SPATA6L: variants seen among roughly 807,000 people sequenced by gnomAD.
SPATA6L encodes spermatogenesis associated 6 like.
Under a neutral mutation model 49.2 loss-of-function variants are expected in SPATA6L, and 68 were observed. The observed-to-expected ratio is 1.38, with a 90% CI of 1.14 to 1.69. The LOEUF (loss-of-function observed/expected upper bound fraction) is 1.69, where lower values mean the gene tolerates loss of function less well. SPATA6L is among the 40% of genes most tolerant of loss of function. The pLI, the probability that SPATA6L is intolerant of heterozygous loss-of-function variation, is 0.00. For missense variants in SPATA6L, 668 were observed against 464.3 expected, an observed-to-expected ratio of 1.44 and a Z score of -4.03; for synonymous variants, 198 against 165.7, an observed-to-expected ratio of 1.19 and a Z score of -1.50.
Position 4,599,619 on chromosome 9 carries a change from G to A in SPATA6L, c.*1192C>T, listed in dbSNP as rs1360270464. On this transcript the variant is annotated 3_prime_UTR_variant, in exon 12 of 12. Coordinates refer to ENST00000682582, the MANE Select transcript of SPATA6L (RefSeq NM_001353486.2). ...GTCCAAGATCAGAATGTTGGCAGAT[G>A]CAGAATCTGGTGAGGGCCCTCTTCC... Among the ~76,000 whole-genome samples the A allele has an allele frequency of 6.6e-6, 1 of 152,202 alleles. No homozygotes were observed. The highest frequency in any genetic ancestry group is 1.5e-5 in the Non-Finnish European group (1 of 68,038).
chr9:4,624,349 TCAAA>T (rs1439425796), intron 6 of SPATA6L, among the ~76,000 whole-genome samples: 16 of 152,218 alleles, frequency 1.1e-4, no homozygotes, highest in Non-Finnish European at 1.3e-4. Flanking sequence ...TCAAATTAAA[TCAAA>T]CAATGATTTT....
chr9:4,621,378 C>T (rs1344385475), intron 7 of SPATA6L, among the ~76,000 whole-genome samples: 1 of 152,190 alleles, frequency 6.6e-6, no homozygotes, highest in Non-Finnish European at 1.5e-5. Context: ...AATACTAAGA[C>T]ATGATTTGAC....
At chr9:4,617,360 G>A (rs1587087770) in intron 9 of SPATA6L, 1 of 152,162 alleles carries the variant, frequency 6.6e-6, no homozygotes, top group Non-Finnish European at 1.5e-5. Flanking sequence ...AGGACTTTCA[G>A]GTCTAAAATC....
chr9:4,656,496 GGA>G (rs1838253898), intron 2 of SPATA6L, among the ~76,000 whole-genome samples: 1 of 131,780 alleles, frequency 7.6e-6, no homozygotes, highest in Non-Finnish European at 1.5e-5. Context: ...AAGGAAGGAA[GGA>G]AGGAAGGGAG....
At chr9:4,633,913 T>A (rs1000553655) in intron 4 of SPATA6L, among the ~76,000 whole-genome samples, 1 of 152,216 alleles carries the variant, frequency 6.6e-6, no homozygotes, top group Non-Finnish European at 1.5e-5. Flanking sequence ...ATAATTTGAT[T>A]AAGTTAATTG....
chr9:4,597,598 TAAAC>T (rs1315992196), downstream of SPATA6L, among the ~76,000 whole-genome samples: 1 of 152,194 alleles, frequency 6.6e-6, no homozygotes, highest in Non-Finnish European at 1.5e-5. Context: ...TTTCCTTTGA[TAAAC>T]AAAGTAACTT....
At position 4,656,021 on chromosome 9, in the gene SPATA6L, T is replaced by C. The variant is rs1437270745; in HGVS notation, c.226+20A>G. ...CACAATAGTCTTTTGGTTTTTTGTTTTGTTTTTCAGAGTACCTACTTTCCA... is the reference window on the plus strand; with the variant it reads ...CACAATAGTCTTTTGGTTTTTTGTTCTGTTTTTCAGAGTACCTACTTTCCA... On this transcript the variant is annotated intron_variant, in intron 3 of 11. Coordinates refer to ENST00000682582, the MANE Select transcript of SPATA6L (RefSeq NM_001353486.2). 1.9e-6 allele frequency: 3 copies of C among 1,602,796 alleles called. No homozygotes were observed. In the African/African-American group the frequency reaches 4.0e-5, roughly 21 times the overall value.
intron 9 of SPATA6L, among the ~76,000 whole-genome samples, chr9:4,616,439 A>G (rs1828029367): frequency 1.3e-5 from 2 of 152,308 alleles, no homozygotes; most frequent in South Asian, 4.1e-4. Flanking sequence ...ACAAGTCTTT[A>G]AATCCAGGAT....
intron 10 of SPATA6L, 47 bp from the exon 11 acceptor site, chr9:4,604,316 G>A: frequency 3.2e-6 from 4 of 1,254,958 alleles, no homozygotes; most frequent in Non-Finnish European, 4.6e-6. Context: ...TAACATAATA[G>A]AGATGGATGA....
chr9:4,600,165 A>C lies in SPATA6L; in HGVS notation c.*646T>G, dbSNP rs546226498. On this transcript the variant is annotated 3_prime_UTR_variant, in exon 12 of 12. Coordinates refer to ENST00000682582, the MANE Select transcript of SPATA6L (RefSeq NM_001353486.2). ...TTACAAAGAATTGCTGGAACGAAGG[A>C]GTAGGAAACAGAAGGAGCAGTTTAA... is the stretch of plus-strand genomic sequence containing the variant. Among the ~76,000 whole-genome samples, 1 of 152,338 alleles carries C rather than the reference A, an allele frequency of 6.6e-6. No individual in the cohort carries two copies. Among genetic ancestry groups the C allele is most frequent in the East Asian group, 1.9e-4 (1 of 5,186 alleles).
intron 2 of SPATA6L, among the ~76,000 whole-genome samples, chr9:4,656,774 GTTGT>G (rs1463926064): frequency 6.6e-6 from 1 of 152,172 alleles, no homozygotes; most frequent in African/African-American, 2.4e-5. Flanking sequence ...ACCCCAGAGT[GTTGT>G]TTGACTACCT....
intron 7 of SPATA6L, among the ~76,000 whole-genome samples, chr9:4,620,980 C>A (rs554395975): frequency 2.0e-5 from 3 of 152,352 alleles, no homozygotes; most frequent in African/African-American, 7.2e-5. Context: ...TCTGTCCTTG[C>A]AGCTGCTGTC....
chr9:4,628,181 G>C (rs1830712301), intron 5 of SPATA6L: 1 of 196,764 alleles, frequency 5.1e-6, no homozygotes, highest in Admixed American at 5.4e-5. Flanking sequence ...ATAAGATCTA[G>C]TATTTGATAG....
chr9:4,611,816 T>A (rs545534833), intron 9 of SPATA6L, among the ~76,000 whole-genome samples: 104 of 151,444 alleles, frequency 6.9e-4, no homozygotes, highest in Non-Finnish European at 1.1e-3. Flanking sequence ...GAAAAAAAAA[T>A]TTTTAATCCA....
chr9:4,645,114 A>G (rs1835067305), intron 3 of SPATA6L, among the ~76,000 whole-genome samples: 1 of 152,240 alleles, frequency 6.6e-6, no homozygotes. Flanking sequence ...ATCACTAAAT[A>G]TTCATTTCAA....
intron 2 of SPATA6L, 98 bp from the exon 3 acceptor site, chr9:4,656,187 C>T: frequency 9.8e-7 from 1 of 1,019,504 alleles, no homozygotes. Flanking sequence ...ACCTGTAATC[C>T]TAGCACTTTG....
chr9:4,606,974 G>A (rs1356832407), intron 9 of SPATA6L, among the ~76,000 whole-genome samples: 20 of 147,008 alleles, frequency 1.4e-4, no homozygotes, highest in Admixed American at 2.7e-4. Flanking sequence ...TGAAAACCAA[G>A]GCTCAAGAAC....
chr9:4,657,401 T>C (rs1838536852), intron 2 of SPATA6L, among the ~76,000 whole-genome samples: 1 of 152,172 alleles, frequency 6.6e-6, no homozygotes, highest in South Asian at 2.1e-4. Flanking sequence ...TATCTCAGAA[T>C]GTGACCTTAG....
Position 4,599,297 on chromosome 9 carries a change from T to C in SPATA6L, c.*1514A>G, listed in dbSNP as rs1363368282. On this transcript the variant is annotated 3_prime_UTR_variant, in exon 12 of 12. Coordinates refer to ENST00000682582, the MANE Select transcript of SPATA6L (RefSeq NM_001353486.2). ...TTTAGATTGGGAGGTTCAACTTGGATATACCTTTATTTGGCTGAAATTCTA... is the reference window on the plus strand; with the variant it reads ...TTTAGATTGGGAGGTTCAACTTGGACATACCTTTATTTGGCTGAAATTCTA... Among the ~76,000 whole-genome samples, 1 of 152,250 alleles carries C rather than the reference T, an allele frequency of 6.6e-6. No individual in the cohort carries two copies. Among genetic ancestry groups the C allele is most frequent in the African/African-American group, 2.4e-5 (1 of 41,468 alleles).
Sources: gnomAD v4.1 joint callset for allele counts (sites outside exome capture counted in the v4.1 genomes callset) on GRCh38, gnomAD v4.1.1 for gene constraint, MANE v1.5 for transcripts, NCBI Gene and HGNC (gene_info 2026-07-23, HGNC 2026-07-21) for gene names.